Variants in SPHKAP observed in about 807,000 individuals in gnomAD.
SPHKAP encodes the protein A-kinase anchor protein SPHKAP.
Under a neutral mutation model 137.5 loss-of-function variants are expected in SPHKAP, and 67 were observed. The ratio of observed to expected loss-of-function variants is 0.49; its 90% CI spans 0.40 to 0.60. The LOEUF (loss-of-function observed/expected upper bound fraction) is 0.60. Among genes scored for constraint, SPHKAP ranks in the 20% least tolerant of loss-of-function variants. The pLI is 0.00. For synonymous variants in SPHKAP, 813 were observed against 785.3 expected, an observed-to-expected ratio of 1.04 and a Z score of -0.59; for missense variants, 2,097 against 2,069.3, an observed-to-expected ratio of 1.01 and a Z score of -0.26.
intron 3 of SPHKAP, among the ~76,000 whole-genome samples, chr2:228,057,014 G>A (rs949479347): frequency 6.6e-6 from 1 of 152,140 alleles, no homozygotes; most frequent in African/African-American, 2.4e-5. Context: ...ACTTAAGCAT[G>A]CGCTCTCAAA....
rs1700909050 is a variant in SPHKAP, at chr2:228,181,433, G to A, written c.32+134C>T. 1 of 1,240,696 alleles carries A rather than the reference G, an allele frequency of 8.1e-7. No individual in the cohort carries two copies. Among genetic ancestry groups the A allele is most frequent in the South Asian group, 1.2e-5 (1 of 81,754 alleles). The allele number at this position is 1,240,696 out of a possible 1,614,324, so 76.9% of individuals were successfully genotyped here. On this transcript the variant is annotated intron_variant, in intron 1 of 11. Transcript: ENST00000392056. The surrounding 1 kb of genome is among the most constrained non-coding windows in gnomAD (Gnocchi z 4.3). ...GAGGCTGGGCCGGACTTATTTACAA[G>A]TGCAGTGACCCCTGTCTCCTCGCTG...
intron 1 of SPHKAP, among the ~76,000 whole-genome samples, chr2:228,159,748 A>C (rs2106411431): frequency 6.6e-6 from 1 of 152,322 alleles, no homozygotes; most frequent in African/African-American, 2.4e-5. Context: ...TCTATAGACT[A>C]CAGGGGGCTT....
At chr2:228,024,998 A>T (rs7605783) in intron 5 of SPHKAP, among the ~76,000 whole-genome samples, 58 of 152,018 alleles carry the variant, frequency 3.8e-4, no homozygotes, top group Non-Finnish European at 6.5e-4. Context: ...GTACCTCCTA[A>T]GGAATACATA....
At chr2:228,074,823 T>G (rs1697123374) in intron 3 of SPHKAP, among the ~76,000 whole-genome samples, 1 of 152,176 alleles carries the variant, frequency 6.6e-6, no homozygotes, top group Non-Finnish European at 1.5e-5. Flanking sequence ...CCTCCCCTTC[T>G]TTTCTTCCTT....
intron 3 of SPHKAP, among the ~76,000 whole-genome samples, chr2:228,098,546 G>A (rs1466143843): frequency 6.6e-6 from 1 of 152,034 alleles, no homozygotes; most frequent in Non-Finnish European, 1.5e-5. Flanking sequence ...CTCACTCATA[G>A]GTGGGAATTG....
intron 2 of SPHKAP, among the ~76,000 whole-genome samples, chr2:228,119,389 T>C (rs1351105491): frequency 6.6e-6 from 1 of 152,090 alleles, no homozygotes; most frequent in Admixed American, 6.6e-5. Context: ...TTGCAAAGTT[T>C]AGTCACTGGC....
At chr2:228,137,681 A>G (rs966983974) in intron 1 of SPHKAP, among the ~76,000 whole-genome samples, 16 of 151,808 alleles carry the variant, frequency 1.1e-4, no homozygotes, top group African/African-American at 3.4e-4. Context: ...CCAACACTAG[A>G]AAAAAAAATT....
At chr2:228,048,610 G>C (rs574330797) in intron 3 of SPHKAP, among the ~76,000 whole-genome samples, 4 of 152,126 alleles carry the variant, frequency 2.6e-5, no homozygotes, top group African/African-American at 9.6e-5. Flanking sequence ...TAATGTTCAG[G>C]TATCTCTAGA....
intron 1 of SPHKAP, among the ~76,000 whole-genome samples, chr2:228,134,311 T>C (rs747063612): frequency 6.6e-6 from 1 of 151,896 alleles, no homozygotes; most frequent in Non-Finnish European, 1.5e-5. Flanking sequence ...GAAAAAGAAA[T>C]TAGCTCCATT....
In SPHKAP at chr2:228,070,624, T is replaced by C. The variant is rs555761399; in HGVS notation, c.246+38208A>G. 3.3e-5 allele frequency among the ~76,000 whole-genome samples: 5 copies of C among 152,306 alleles called. No individual in the cohort carries two copies. The South Asian group carries it at 1.0e-3, about 32-fold the overall frequency. ...ATTTGTTTTCTGGCACTGTTTCTTT[T>C]ATAATACATCGTCTTTCTCATTGTC... On this transcript the variant is annotated intron_variant, in intron 3 of 11. Coordinates refer to ENST00000392056, the MANE Select transcript of SPHKAP (RefSeq NM_001142644.2).
chr2:228,035,836 T>A (rs1309293983), intron 3 of SPHKAP, among the ~76,000 whole-genome samples: 8 of 152,264 alleles, frequency 5.3e-5, no homozygotes, highest in Non-Finnish European at 5.9e-5. Flanking sequence ...CATATGTAGA[T>A]AGCTGAAACT....
At chr2:228,055,028 G>A (rs1379299118) in intron 3 of SPHKAP, among the ~76,000 whole-genome samples, 1 of 151,314 alleles carries the variant, frequency 6.6e-6, no homozygotes, top group East Asian at 1.9e-4. Flanking sequence ...TGTAATCCCA[G>A]CTACTCAGGA....
intron 3 of SPHKAP, among the ~76,000 whole-genome samples, chr2:228,103,891 T>C (rs1698251271): frequency 6.6e-6 from 1 of 152,050 alleles, no homozygotes; most frequent in Non-Finnish European, 1.5e-5. Flanking sequence ...TGTGTAGAAA[T>C]TAAGGAGAAT....
intron 3 of SPHKAP, among the ~76,000 whole-genome samples, chr2:228,050,647 A>G (rs1324936563): frequency 2.6e-5 from 4 of 152,220 alleles, no homozygotes; most frequent in East Asian, 3.8e-4. Flanking sequence ...AAACATTTGA[A>G]TTCTTTTCCT....
chr2:228,124,100 A>C (rs1698998238), intron 2 of SPHKAP, among the ~76,000 whole-genome samples: 1 of 151,890 alleles, frequency 6.6e-6, no homozygotes, highest in Non-Finnish European at 1.5e-5. Context: ...GCAGGAGAGG[A>C]TGTGGAGAAA....
At chr2:228,173,000 C>A (rs1022248291) in intron 1 of SPHKAP, 2 of 982,548 alleles carry the variant, frequency 2.0e-6, no homozygotes, top group African/African-American at 3.5e-5. Flanking sequence ...TGCTGAATAG[C>A]ATTAATGACC....
chr2:228,096,630 C>CTGTGTGTGTG (rs59745287), intron 3 of SPHKAP, among the ~76,000 whole-genome samples: 98 of 148,882 alleles, frequency 6.6e-4, no homozygotes, highest in Middle Eastern at 3.4e-3. Context: ...CAGGGGTCAA[C>CTGTGTGTGTG]TGTGTGTGTG....
chr2:228,028,157 A>G (rs1464514294), intron 3 of SPHKAP: 1 of 624,524 alleles, frequency 1.6e-6, no homozygotes, highest in African/African-American at 2.0e-5. Flanking sequence ...CAAGTTTATA[A>G]GGTGTTATCA....
At chr2:228,011,665 C>T (rs1415482243) in intron 7 of SPHKAP, among the ~76,000 whole-genome samples, 1 of 152,184 alleles carries the variant, frequency 6.6e-6, no homozygotes, top group Non-Finnish European at 1.5e-5. Context: ...GGGTACCAAA[C>T]ATCCAAATCC....
Sources: gnomAD v4.1 joint callset for allele counts (sites outside exome capture counted in the v4.1 genomes callset) on GRCh38, gnomAD v4.1.1 for gene constraint, Gnocchi (gnomAD v3.1) non-coding constraint, MANE v1.5 for transcripts, NCBI Gene and HGNC (gene_info 2026-07-23, HGNC 2026-07-21) for gene names.